The following DCC variants were observed in gnomAD, a reference collection of about 807,000 sequenced individuals.
DCC encodes netrin receptor DCC.
A neutral mutation model predicts 172.5 loss-of-function variants in DCC; 58 were observed. That is an observed-to-expected ratio of 0.34 (90% CI 0.27 to 0.42). The LOEUF is 0.42. DCC is among the 10% of genes least tolerant of loss of function. The pLI is 1.00. For missense variants in DCC, 1,740 were observed against 1,791.0 expected, an observed-to-expected ratio of 0.97 and a Z score of 0.51; for synonymous variants, 709 against 644.5, an observed-to-expected ratio of 1.10 and a Z score of -1.52.
chr18:52,703,735 T>G (rs2036162605), intron 1 of DCC, among the ~76,000 whole-genome samples: 1 of 152,062 alleles, frequency 6.6e-6, no homozygotes, highest in Admixed American at 6.6e-5. Flanking sequence ...AAGAATTTTT[T>G]TTTTTGAAAA....
chr18:52,810,509 T>C (rs2038175636), intron 2 of DCC, among the ~76,000 whole-genome samples: 1 of 152,190 alleles, frequency 6.6e-6, no homozygotes, highest in Non-Finnish European at 1.5e-5. Context: ...AGAAGAATTT[T>C]AGTGCATGAT....
At chr18:53,041,109 C>T (rs895533819) in intron 5 of DCC, among the ~76,000 whole-genome samples, 7 of 87,648 alleles carry the variant, frequency 8.0e-5, no homozygotes, top group Admixed American at 9.6e-5. Context: ...AGTCTTTGCC[C>T]GTGCCTAGGT....
intron 1 of DCC, among the ~76,000 whole-genome samples, chr18:52,711,193 AC>A (rs1266499962): frequency 2.6e-5 from 4 of 152,088 alleles, no homozygotes; most frequent in African/African-American, 9.7e-5. Flanking sequence ...TCCTTATTGG[AC>A]GATAAAGATA....
intron 7 of DCC, among the ~76,000 whole-genome samples, chr18:53,149,024 G>A (rs991131750): frequency 4.0e-5 from 6 of 151,580 alleles, no homozygotes; most frequent in South Asian, 2.1e-4. Context: ...CACCACACCC[G>A]GCTAGTTTTT....
chr18:53,208,347 G>A (rs2055689839), intron 11 of DCC, among the ~76,000 whole-genome samples: 1 of 151,678 alleles, frequency 6.6e-6, no homozygotes, highest in Non-Finnish European at 1.5e-5. Context: ...ATACTAATAG[G>A]TAATCCTCAA....
At chr18:53,039,420 C>T (rs1248987818) in intron 5 of DCC, among the ~76,000 whole-genome samples, 3 of 152,048 alleles carry the variant, frequency 2.0e-5, no homozygotes, top group African/African-American at 4.8e-5. Flanking sequence ...GCTCCACTTT[C>T]ATTCTCTGTA....
At chr18:53,523,197 A>G (rs2046419385) in intron 27 of DCC, among the ~76,000 whole-genome samples, 1 of 152,234 alleles carries the variant, frequency 6.6e-6, no homozygotes, top group African/African-American at 2.4e-5. Context: ...AGAAATGCAA[A>G]TCAAAATCAC....
chr18:52,890,471 C>T (rs909204297), intron 2 of DCC, among the ~76,000 whole-genome samples: 8 of 152,060 alleles, frequency 5.3e-5, no homozygotes, highest in Admixed American at 3.9e-4. Flanking sequence ...AAACAGCTCA[C>T]TATGGTACAT....
At chr18:52,574,080 A>G (rs942825198) in intron 1 of DCC, among the ~76,000 whole-genome samples, 5 of 152,212 alleles carry the variant, frequency 3.3e-5, no homozygotes, top group African/African-American at 1.2e-4. Flanking sequence ...CAGCATGTCA[A>G]TCATTCATCC....
chr18:52,999,949 G>C (rs990293734), intron 5 of DCC, among the ~76,000 whole-genome samples: 1 of 152,022 alleles, frequency 6.6e-6, no homozygotes, highest in Non-Finnish European at 1.5e-5. Flanking sequence ...TAGCCATGCA[G>C]GGAGAAGGCC....
chr18:52,409,090 C>T (rs900400607), intron 1 of DCC: 1 of 152,082 alleles, frequency 6.6e-6, no homozygotes, highest in Non-Finnish European at 1.5e-5. Flanking sequence ...TTCATTATTT[C>T]AGGAAAGGAT....
intron 12 of DCC, among the ~76,000 whole-genome samples, chr18:53,226,606 A>G (rs1360528006): frequency 6.6e-6 from 1 of 152,024 alleles, no homozygotes; most frequent in Non-Finnish European, 1.5e-5. Context: ...GTTATATAAT[A>G]TATTTGTTAT....
At chr18:53,274,478 G>A (rs2056783488) in intron 12 of DCC, among the ~76,000 whole-genome samples, 3 of 152,120 alleles carry the variant, frequency 2.0e-5, no homozygotes, top group Non-Finnish European at 2.9e-5. Flanking sequence ...CTGATTTCCA[G>A]GTATGAAGTA....
intron 1 of DCC, among the ~76,000 whole-genome samples, chr18:52,364,803 G>A (rs1984773301): frequency 6.6e-6 from 1 of 152,214 alleles, no homozygotes; most frequent in Admixed American, 6.5e-5. Flanking sequence ...GTGAGGAGGT[G>A]GCATGGTGAA....
intron 5 of DCC, among the ~76,000 whole-genome samples, chr18:52,984,024 A>G (rs2041252748): frequency 6.6e-6 from 1 of 152,116 alleles, no homozygotes; most frequent in African/African-American, 2.4e-5. Flanking sequence ...TTTTCACACT[A>G]TGGAACAAAT....
intron 28 of DCC, among the ~76,000 whole-genome samples, chr18:53,528,558 C>CTT (rs1842352425): frequency 6.6e-6 from 1 of 151,886 alleles, no homozygotes. Context: ...AAATATTAAA[C>CTT]TTTATTAATA....
chr18:52,561,805 C>T (rs9947932), intron 1 of DCC, among the ~76,000 whole-genome samples: 22,895 of 152,064 alleles, frequency 0.15, 2,545 homozygotes, highest in East Asian at 0.49. Context: ...AAATGCTATA[C>T]GCCCATTAGC....
chr18:53,208,958 T>C (rs2055703065), intron 11 of DCC, among the ~76,000 whole-genome samples: 2 of 152,182 alleles, frequency 1.3e-5, no homozygotes, highest in Admixed American at 6.5e-5. Flanking sequence ...CTGGAACTCC[T>C]GACCTCAAGT....
At chr18:52,674,687 G>A (rs2035618358) in intron 1 of DCC, among the ~76,000 whole-genome samples, 1 of 152,142 alleles carries the variant, frequency 6.6e-6, no homozygotes, top group African/African-American at 2.4e-5. Flanking sequence ...AGTTAAGTTG[G>A]GAGTAGAACC....
Sources: allele counts gnomAD v4.1 joint callset (sites outside exome capture counted in the v4.1 genomes callset), GRCh38; gene constraint gnomAD v4.1.1; transcripts MANE v1.5; gene names NCBI Gene and HGNC (gene_info 2026-07-23, HGNC 2026-07-21).